The following NHS variants were observed in gnomAD, a reference collection of about 807,000 sequenced individuals.
The protein encoded by NHS is NHS actin remodeling regulator.
A neutral mutation model predicts 72.5 loss-of-function variants in NHS; 5 were observed. That is an observed-to-expected ratio of 0.07 (90% CI 0.04 to 0.14). The LOEUF is 0.14. Among genes scored for constraint, NHS ranks in the 10% least tolerant of loss-of-function variants. The probability of loss-of-function intolerance (pLI) is 1.00; values close to 1 mark genes in which losing one functional copy is unlikely to be tolerated. For synonymous variants in NHS, 464 were observed against 547.7 expected (o/e 0.85, Z 2.13); for missense variants, 1,072 against 1,355.7 (o/e 0.79, Z 3.29).
intron 1 of NHS, among the ~76,000 whole-genome samples, chrX:17,420,997 G>A (rs2064620631): frequency 9.1e-6 from 1 of 110,389 alleles, no homozygotes; most frequent in Non-Finnish European, 1.9e-5. Flanking sequence ...TACATGAAGG[G>A]GGCTACTAAA....
intron 1 of NHS, among the ~76,000 whole-genome samples, chrX:17,397,412 A>G (rs2146849827): frequency 8.9e-6 from 1 of 111,809 alleles, no homozygotes; most frequent in African/African-American, 3.2e-5. Context: ...GGGCACCATG[A>G]GCTAACTGCC....
chrX:17,579,637 C>T (rs943354801), intron 1 of NHS, among the ~76,000 whole-genome samples: 5 of 111,344 alleles, frequency 4.5e-5, no homozygotes, highest in African/African-American at 1.6e-4. Context: ...GCAGGCATAG[C>T]GGATCCAGAC....
chrX:17,461,823 C>G (rs2064848886), intron 1 of NHS, among the ~76,000 whole-genome samples: 1 of 112,838 alleles, frequency 8.9e-6, no homozygotes, highest in African/African-American at 3.2e-5. Flanking sequence ...TGGCTTTTGG[C>G]TGGCCATTGG....
chrX:17,471,940 A>C (rs1019560597), intron 1 of NHS, among the ~76,000 whole-genome samples: 5 of 111,678 alleles, frequency 4.5e-5, no homozygotes, highest in African/African-American at 1.6e-4. Flanking sequence ...CTCCATATCT[A>C]GTTAAAGCAC....
chrX:17,383,900 A>G (rs773332646), intron 1 of NHS, among the ~76,000 whole-genome samples: 1 of 112,118 alleles, frequency 8.9e-6, no homozygotes, highest in Non-Finnish European at 1.9e-5. Context: ...ACTCAAATCT[A>G]TGATAATGAA....
At chrX:17,617,232 G>C (rs975429151) in intron 1 of NHS, among the ~76,000 whole-genome samples, 2 of 112,014 alleles carry the variant, frequency 1.8e-5, no homozygotes, top group Non-Finnish European at 3.8e-5. Context: ...CTGCCCCTAC[G>C]CAACCACACT....
chrX:17,419,250 A>G (rs1489498049), intron 1 of NHS, among the ~76,000 whole-genome samples: 1 of 112,629 alleles, frequency 8.9e-6, no homozygotes, highest in Non-Finnish European at 1.9e-5. Context: ...CGTCAGCACC[A>G]GGAACATTTT....
chrX:17,670,064 T>C (rs1471568469), intron 1 of NHS, among the ~76,000 whole-genome samples: 1 of 112,075 alleles, frequency 8.9e-6, no homozygotes, highest in Admixed American at 9.4e-5. Context: ...ATTTCTAGAA[T>C]GGACTTGAGC....
chrX:17,454,630 G>A (rs976489649), intron 1 of NHS, among the ~76,000 whole-genome samples: 1 of 112,188 alleles, frequency 8.9e-6, no homozygotes, highest in African/African-American at 3.2e-5. Context: ...GATCTTGCGG[G>A]AGTCATATTG....
chrX:17,667,236 GA>G (rs771043546), intron 1 of NHS, among the ~76,000 whole-genome samples: 2 of 112,401 alleles, frequency 1.8e-5, no homozygotes, highest in Non-Finnish European at 3.8e-5. Flanking sequence ...ACTCCTCCAA[GA>G]GGAACTGTGA....
At chrX:17,433,809 G>A (rs1380931929) in intron 1 of NHS, among the ~76,000 whole-genome samples, 1 of 112,175 alleles carries the variant, frequency 8.9e-6, no homozygotes, top group East Asian at 2.8e-4. Flanking sequence ...TGAATTTATG[G>A]ATTATATGTA....
At chrX:17,414,056 A>G (rs2064577838) in intron 1 of NHS, among the ~76,000 whole-genome samples, 1 of 111,930 alleles carries the variant, frequency 8.9e-6, no homozygotes, top group African/African-American at 3.3e-5. Flanking sequence ...GCAGGTGCAG[A>G]CAGGCACACA....
intron 1 of NHS, among the ~76,000 whole-genome samples, chrX:17,497,159 T>C (rs2065016847): frequency 8.9e-6 from 1 of 112,458 alleles, no homozygotes; most frequent in African/African-American, 3.2e-5. Flanking sequence ...TACAGTACCC[T>C]GTTCATTCCC....
rs1300982268 is a variant in NHS, at chrX:17,375,852, C to G, written c.95C>G (p.Ala32Gly). 1 of 1,130,787 alleles carries G rather than the reference C, an allele frequency of 8.8e-7. No individual in the cohort carries two copies. The highest frequency in any genetic ancestry group is 2.8e-5 in the Admixed American group (1 of 35,880). The allele number at this position is 1,130,787 out of a possible 1,213,427, so 93.2% of individuals were successfully genotyped here. A position where few individuals can be genotyped will look rare whatever the true frequency, so the allele number is the denominator to read the frequency against. The change falls in exon 1 of 9, where the codon GCT becomes GGT. Residue 32 changes from alanine (A) to glycine (G), a missense_variant. Physicochemically the swap from Ala to Gly is moderately conservative, Grantham distance 60. Transcript: ENST00000676302. Reference sequence around the variant, plus strand: ...GCAGTGGACGCGAGCGGAGGCAGCGCTGAGCCGCCGCCGCCCTTGCAGCCG... The same window carrying G: ...GCAGTGGACGCGAGCGGAGGCAGCGGTGAGCCGCCGCCGCCCTTGCAGCCG... ...GPAVDASGGSAEPPPPLQPPG... is the reference protein window; with the variant it reads ...GPAVDASGGSGEPPPPLQPPG...
At chrX:17,723,726 GGTGTGTGTGT>G (rs3222310) in intron 5 of NHS, among the ~76,000 whole-genome samples, 21 of 71,073 alleles carry the variant, frequency 3.0e-4, no homozygotes, top group African/African-American at 4.1e-4. Flanking sequence ...CAGCAAAAGA[GGTGTGTGTGT>G]GTGTGTGTGT....
At chrX:17,633,020 C>T (rs1678350245) in intron 1 of NHS, among the ~76,000 whole-genome samples, 1 of 111,231 alleles carries the variant, frequency 9.0e-6, no homozygotes, top group African/African-American at 3.3e-5. Flanking sequence ...TTCCTGCTTA[C>T]TTATGCTGTA....
At chrX:17,535,852 G>T (rs189969202) in intron 1 of NHS, among the ~76,000 whole-genome samples, 67 of 111,624 alleles carry the variant, frequency 6.0e-4, no homozygotes, top group African/African-American at 2.1e-3. Context: ...AAAGTGCTGG[G>T]ATTACAGGTA....
chrX:17,465,240 A>G (rs2064865918), intron 1 of NHS, among the ~76,000 whole-genome samples: 1 of 111,620 alleles, frequency 9.0e-6, no homozygotes, highest in African/African-American at 3.3e-5. Flanking sequence ...TTTTGGGAAG[A>G]GTGCAATGAT....
chrX:17,664,831 CT>C (rs1382655747), intron 1 of NHS, among the ~76,000 whole-genome samples: 1 of 111,380 alleles, frequency 9.0e-6, no homozygotes, highest in Non-Finnish European at 1.9e-5. Context: ...TCTTCAGGCC[CT>C]GGATATGCTA....
Sources: gnomAD v4.1 joint callset for allele counts (sites outside exome capture counted in the v4.1 genomes callset) on GRCh38, gnomAD v4.1.1 for gene constraint, MANE v1.5 for transcripts, NCBI Gene and HGNC (gene_info 2026-07-23, HGNC 2026-07-21) for gene names.